The following HAPLN1 variants were observed in gnomAD, a reference collection of about 807,000 sequenced individuals.
HAPLN1 encodes hyaluronan and proteoglycan link protein 1.
HAPLN1 carries 13 observed loss-of-function variants against 36.5 expected under a neutral mutation model. That is an observed-to-expected ratio of 0.36 (90% CI 0.23 to 0.57). The LOEUF is 0.57. HAPLN1 is among the 20% of genes least tolerant of loss of function. HAPLN1 has a pLI of 0.83. For synonymous variants in HAPLN1, 202 were observed against 169.8 expected (o/e 1.19, Z -1.48); for missense variants, 407 against 439.7 (o/e 0.93, Z 0.66).
chr5:83,666,767 T>C (rs1249554256), intron 2 of HAPLN1, among the ~76,000 whole-genome samples: 1 of 152,160 alleles, frequency 6.6e-6, no homozygotes, highest in Non-Finnish European at 1.5e-5. Flanking sequence ...CTTATTTTAT[T>C]TTTTCTTGCT....
chr5:83,641,024 T>C lies in HAPLN1; in HGVS notation c.*472A>G, dbSNP rs1749671951. On this transcript the variant is annotated 3_prime_UTR_variant, in exon 5 of 5. Transcript: ENST00000274341. The stretch of plus-strand genomic sequence containing the variant: ...GGTATAGATTGTTCCCTTGTGAAAC[T>C]GAGTTTTGTATAACCTCTCAGTTTA... 6.6e-6 allele frequency: 1 copy of C among 152,450 alleles called. No individual in the cohort carries two copies. The highest frequency in any genetic ancestry group is 2.4e-5 in the African/African-American group (1 of 41,406). 9.4% of individuals were successfully genotyped at this position (152,450 alleles called of 1,614,324 possible). A position where few individuals can be genotyped will look rare whatever the true frequency, so the allele number is the denominator to read the frequency against.
intron 1 of HAPLN1, among the ~76,000 whole-genome samples, chr5:83,702,993 T>C (rs1416387975): frequency 6.6e-6 from 1 of 152,224 alleles, no homozygotes; most frequent in Non-Finnish European, 1.5e-5. Flanking sequence ...ATTGCAGGTG[T>C]GAACCACCAT....
rs765888760 is a variant in HAPLN1, at chr5:83,641,717, C to T, written c.844G>A (p.Asp282Asn). The T allele has an allele frequency of 7.4e-6, 12 of 1,614,028 alleles. No individual in the cohort carries two copies. Among genetic ancestry groups the T allele is most frequent in the Non-Finnish European group, 7.6e-6 (9 of 1,180,024 alleles). ...CCCACTTTTGCAATCTGAGCACCATCATTGAGACAAGCTTGCACCGCTTCA... is the reference window on the plus strand; with the variant it reads ...CCCACTTTTGCAATCTGAGCACCATTATTGAGACAAGCTTGCACCGCTTCA... ...YDEAVQACLN[D>N]GAQIAKVGQI... Residue 282 changes from aspartate to asparagine, a missense_variant, in exon 5 of 5, where the codon GAT becomes AAT. By Grantham distance (23) the Asp-to-Asn change is conservative (BLOSUM62 1). Transcript: ENST00000274341.
intron 2 of HAPLN1, among the ~76,000 whole-genome samples, chr5:83,664,644 A>G (rs1750504885): frequency 6.6e-6 from 1 of 152,140 alleles, no homozygotes; most frequent in Non-Finnish European, 1.5e-5. Context: ...CGGCCTCCCA[A>G]AGTGCTGGGA....
intron 2 of HAPLN1, among the ~76,000 whole-genome samples, chr5:83,669,853 G>A (rs1351564116): frequency 6.6e-6 from 1 of 152,124 alleles, no homozygotes; most frequent in Non-Finnish European, 1.5e-5. Context: ...GCAGGCATTA[G>A]GTCTGATTTT....
intron 1 of HAPLN1, among the ~76,000 whole-genome samples, chr5:83,706,621 A>G (rs919810630): frequency 6.6e-6 from 1 of 152,208 alleles, no homozygotes; most frequent in Non-Finnish European, 1.5e-5. Context: ...CACAGTCAAC[A>G]TTATACTGAA....
chr5:83,705,461 G>T (rs982806747), intron 1 of HAPLN1, among the ~76,000 whole-genome samples: 1 of 149,930 alleles, frequency 6.7e-6, no homozygotes, highest in Non-Finnish European at 1.5e-5. Context: ...ATTAAACAAC[G>T]TGCTCATGAA....
intron 2 of HAPLN1, among the ~76,000 whole-genome samples, chr5:83,669,649 A>G (rs1481000566): frequency 1.3e-5 from 2 of 152,240 alleles, no homozygotes; most frequent in African/African-American, 4.8e-5. Flanking sequence ...ATGTACTTTG[A>G]AAAGCATGAA....
chr5:83,676,178 A>T (rs1174640387), intron 1 of HAPLN1, among the ~76,000 whole-genome samples: 2 of 99,108 alleles, frequency 2.0e-5, no homozygotes, highest in Admixed American at 9.5e-5. Flanking sequence ...ACACATACAC[A>T]GAGATACGCA....
chr5:83,648,030 C>A (rs1175717498), intron 3 of HAPLN1, among the ~76,000 whole-genome samples: 1 of 152,042 alleles, frequency 6.6e-6, no homozygotes, highest in Non-Finnish European at 1.5e-5. Flanking sequence ...TTTTTCATAT[C>A]ATTATTTGTG....
chr5:83,652,838 G>GA lies in HAPLN1; in HGVS notation c.101-15_101-14insT. The GA allele has an allele frequency of 1.3e-6, 2 of 1,507,382 alleles. No homozygotes were observed. The highest frequency in any genetic ancestry group is 1.4e-5 in the African/African-American group (1 of 69,460). 93.4% of individuals were successfully genotyped at this position (1,507,382 alleles called of 1,614,324 possible). A position where few individuals can be genotyped will look rare whatever the true frequency, so the allele number is the denominator to read the frequency against. On this transcript the variant is annotated splice_polypyrimidine_tract_variant and intron_variant, in intron 2 of 4. Transcript: ENST00000274341. Reference sequence around the variant, plus strand: ...GGCCATTTTCTGCTATAATTAAAAAGGAAAAAAAAAAGAAAATAACTATTA... The same window carrying GA: ...GGCCATTTTCTGCTATAATTAAAAAGAGAAAAAAAAAAGAAAATAACTATTA...
At chr5:83,700,808 T>C (rs891289178) in intron 1 of HAPLN1, among the ~76,000 whole-genome samples, 4 of 152,142 alleles carry the variant, frequency 2.6e-5, no homozygotes, top group Non-Finnish European at 5.9e-5. Context: ...GAAAATTAAT[T>C]TGAAAGAGTA....
Position 83,641,766 on chromosome 5 carries a change from G to A in HAPLN1, c.795C>T (p.Ile265=), listed in dbSNP as rs1453032891. 6.2e-7 allele frequency: 1 copy of A among 1,613,510 alleles called. No homozygotes were observed. The highest frequency in any genetic ancestry group is 1.7e-5 in the Admixed American group (1 of 60,006). Residue 265 remains isoleucine, a synonymous_variant, in exon 5 of 5, where the codon ATC becomes ATT. Transcript: ENST00000274341. Reference sequence around the variant, plus strand: ...CATCATAGGTCAGTTTGGTGGGGTGGATCAGATAGTAAAAACGGCCTGTAG... The same window carrying A: ...CATCATAGGTCAGTTTGGTGGGGTGAATCAGATAGTAAAAACGGCCTGTAG... ...SNFNGRFYYL[I]HPTKLTYDEA... is the part of the protein sequence containing the mutation.
rs763634679 is a variant in HAPLN1 at position 83,644,464 on chromosome 5, G to C, written c.674C>G (p.Pro225Arg). The C allele has an allele frequency of 1.9e-6, 3 of 1,613,112 alleles. No individual in the cohort carries two copies. The highest frequency in any genetic ancestry group is 1.7e-6 in the Non-Finnish European group (2 of 1,179,540). ...GGGCACTGTGTTCTGCCCCCCACAGGGCTCTCTGGGCTTTGTGATGGGATA... is the reference window on the plus strand; with the variant it reads ...GGGCACTGTGTTCTGCCCCCCACAGCGCTCTCTGGGCTTTGTGATGGGATA... ...VQYPITKPRE[P>R]CGGQNTVPGV... Residue 225 changes from proline (P) to arginine (R), a missense_variant, in exon 4 of 5, where the codon CCC (proline) becomes CGC (arginine). Transcript: ENST00000274341.
chr5:83,657,104 T>G (rs1208460735), intron 2 of HAPLN1, among the ~76,000 whole-genome samples: 1 of 151,918 alleles, frequency 6.6e-6, no homozygotes, highest in Non-Finnish European at 1.5e-5. Flanking sequence ...TTTCTTTTTT[T>G]TTTTTTTTAA....
At chr5:83,669,426 G>C (rs546062986) in intron 2 of HAPLN1, among the ~76,000 whole-genome samples, 1 of 152,276 alleles carries the variant, frequency 6.6e-6, no homozygotes, top group South Asian at 2.1e-4. Context: ...TTGAACCTGG[G>C]AGGCAGAGGT....
intron 1 of HAPLN1, among the ~76,000 whole-genome samples, chr5:83,684,262 A>G (rs879870306): frequency 2.0e-5 from 3 of 152,180 alleles, no homozygotes; most frequent in Non-Finnish European, 4.4e-5. Context: ...GCTGTCATTC[A>G]AACAATTATC....
In HAPLN1 at chr5:83,688,642, C is replaced by CTTT. The variant is rs539790396; in HGVS notation, c.-26-15096_-26-15094dup. Among the ~76,000 whole-genome samples, 53 of 80,582 alleles carry CTTT rather than the reference C, an allele frequency of 6.6e-4. 6 individuals are homozygous for CTTT. The highest frequency in any genetic ancestry group is 2.5e-3 in the African/African-American group (47 of 19,098). The allele number at this position is 80,582 out of a possible 152,430, so 52.9% of individuals were successfully genotyped here. ...TATTTGCCAAATGCAGCTTTTGATT[C>CTTT]TTTTTTTTTTTTTTTTTTTTTTTTT... On this transcript the variant is annotated intron_variant, in intron 1 of 4. Transcript: ENST00000274341.
At chr5:83,691,383 G>A (rs965291643) in intron 1 of HAPLN1, among the ~76,000 whole-genome samples, 1 of 151,854 alleles carries the variant, frequency 6.6e-6, no homozygotes, top group African/African-American at 2.4e-5. Context: ...CAAGTCTAAG[G>A]AAAAAATGAT....
Sources: gnomAD v4.1 joint callset for allele counts (sites outside exome capture counted in the v4.1 genomes callset) on GRCh38, gnomAD v4.1.1 for gene constraint, MANE v1.5 for transcripts, NCBI Gene and HGNC (gene_info 2026-07-23, HGNC 2026-07-21) for gene names.